Variants in TIAM1 observed in about 807,000 individuals in gnomAD.
The protein encoded by TIAM1 is rho guanine nucleotide exchange factor TIAM1.
In TIAM1, 65 loss-of-function variants were observed where a neutral mutation model predicts 163.5. The ratio of observed to expected loss-of-function variants is 0.40; its 90% CI spans 0.33 to 0.49. TIAM1 has a LOEUF of 0.49. Among genes scored for constraint, TIAM1 ranks in the 20% least tolerant of loss-of-function variants. TIAM1 has a pLI of 0.77. For missense variants in TIAM1, 1,789 were observed against 2,044.7 expected, an observed-to-expected ratio of 0.87 and a Z score of 2.41; for synonymous variants, 833 against 810.1, an observed-to-expected ratio of 1.03 and a Z score of -0.48.
At chr21:31,421,571 C>T (rs935650026) in intron 2 of TIAM1, among the ~76,000 whole-genome samples, 1 of 152,146 alleles carries the variant, frequency 6.6e-6, no homozygotes, top group African/African-American at 2.4e-5. Flanking sequence ...TTATGAGAAT[C>T]GAATGCCGAT....
intron 2 of TIAM1, among the ~76,000 whole-genome samples, chr21:31,404,809 T>G (rs2077220636): frequency 6.6e-6 from 1 of 152,128 alleles, no homozygotes; most frequent in African/African-American, 2.4e-5. Context: ...TCTTTCAACT[T>G]CTTGTAAGTA....
In TIAM1 at chr21:31,220,755, G is replaced by C. The variant is rs148158256; in HGVS notation, c.1995+2651C>G. On this transcript the variant is annotated intron_variant, in intron 8 of 27. Coordinates refer to ENST00000541036, the MANE Select transcript of TIAM1 (RefSeq NM_001353694.2). ...ATGAGCAAAGGGATTTAGAAAAAGG[G>C]CTGGCAGAAGAACTGCTGGACCAGA... Among the ~76,000 whole-genome samples the C allele has an allele frequency of 4.3e-4, 65 of 152,308 alleles. 1 individual carries two copies. In the East Asian group the frequency reaches 0.012, roughly 29 times the overall value.
At chr21:31,392,570 CAAAAAAAAAAA>C (rs61454127) in intron 2 of TIAM1, among the ~76,000 whole-genome samples, 4 of 84,886 alleles carry the variant, frequency 4.7e-5, no homozygotes, top group Admixed American at 2.4e-4. Flanking sequence ...AACTCTGTCT[CAAAAAAAAAAA>C]AAAAAAAAAA....
chr21:31,322,011 C>A (rs556163121), intron 2 of TIAM1, among the ~76,000 whole-genome samples: 1 of 151,984 alleles, frequency 6.6e-6, no homozygotes, highest in Non-Finnish European at 1.5e-5. Flanking sequence ...CAAGATCGTG[C>A]CACCTGCATG....
At chr21:31,352,749 C>A (rs2076255754) in intron 2 of TIAM1, among the ~76,000 whole-genome samples, 2 of 151,648 alleles carry the variant, frequency 1.3e-5, no homozygotes, top group East Asian at 1.9e-4. Context: ...GTAACGCACA[C>A]CTGTAATCTC....
intron 1 of TIAM1, among the ~76,000 whole-genome samples, chr21:31,539,826 C>T (rs1199521976): frequency 6.6e-6 from 1 of 152,116 alleles, no homozygotes; most frequent in Admixed American, 6.6e-5. Context: ...CTTTGCTTCT[C>T]CAATTTTTCA....
At chr21:31,138,268 T>A (rs1189353897) in intron 22 of TIAM1, among the ~76,000 whole-genome samples, 2 of 152,116 alleles carry the variant, frequency 1.3e-5, no homozygotes, top group Admixed American at 1.3e-4. Flanking sequence ...GGGTAGGAGG[T>A]TGAAGGCCCA....
At chr21:31,132,840 G>A (rs147880677) in intron 23 of TIAM1, among the ~76,000 whole-genome samples, 1 of 152,246 alleles carries the variant, frequency 6.6e-6, no homozygotes, top group Admixed American at 6.5e-5. Flanking sequence ...CATCCACTCT[G>A]TGCCCCAAAA....
rs1274709643 is a variant in TIAM1, at chr21:31,195,222, A to G, written c.2575+2T>C. ...AACACAAACAAAGAAAAATAAACTT[A>G]CCGTAAGTATCAGCAGCTGTATCTG... is the stretch of plus-strand genomic sequence containing the variant. On this transcript the variant is annotated splice_donor_variant, in intron 13 of 27. Coordinates refer to ENST00000541036, the MANE Select transcript of TIAM1 (RefSeq NM_001353694.2). LOFTEE classifies it high-confidence loss of function. 7.5e-6 allele frequency: 12 copies of G among 1,606,720 alleles called. No homozygotes were observed. Among genetic ancestry groups the G allele is most frequent in the South Asian group, 1.1e-5 (1 of 90,628 alleles).
chr21:31,451,718 CGTGTGTGTGTGTGTGTGTGT>C (rs59110882), intron 2 of TIAM1, among the ~76,000 whole-genome samples: 19 of 142,166 alleles, frequency 1.3e-4, no homozygotes, highest in Non-Finnish European at 2.5e-4. Flanking sequence ...CATGTGTGTG[CGTGTGTGTGTGTGTGTGTGT>C]GTGTGTGTGT....
intron 5 of TIAM1, among the ~76,000 whole-genome samples, chr21:31,247,920 G>A (rs2071592864): frequency 6.6e-6 from 1 of 152,108 alleles, no homozygotes; most frequent in Non-Finnish European, 1.5e-5. Flanking sequence ...ATGGGAGGGG[G>A]AAACCGTTTT....
At chr21:31,544,885 C>T (rs1240789250) in intron 1 of TIAM1, among the ~76,000 whole-genome samples, 1 of 152,058 alleles carries the variant, frequency 6.6e-6, no homozygotes, top group South Asian at 2.1e-4. Context: ...TGGCAGCATG[C>T]GCCTGTATTC....
chr21:31,236,909 C>G (rs1250488406), intron 6 of TIAM1, among the ~76,000 whole-genome samples: 1 of 152,014 alleles, frequency 6.6e-6, no homozygotes, highest in Non-Finnish European at 1.5e-5. Context: ...CCCAAAGAGA[C>G]GTGGCAGGAG....
Position 31,423,727 on chromosome 21 carries a change from A to C in TIAM1, c.-369+40256T>G, listed in dbSNP as rs1454344833. Among the ~76,000 whole-genome samples, 5 of 148,954 alleles carry C rather than the reference A, an allele frequency of 3.4e-5. No homozygotes were observed. The East Asian group carries it at 1.0e-3, about 30-fold the overall frequency. ...AAAAAAAAAAAAAAAAAAAAAAAAA[A>C]AACCTTGAAAACATTATGCTACGTG... On this transcript the variant is annotated intron_variant, in intron 2 of 28. Coordinates refer to the TIAM1 transcript ENST00000286827.
chr21:31,255,176 T>C (rs1307072425), intron 4 of TIAM1, among the ~76,000 whole-genome samples: 1 of 152,196 alleles, frequency 6.6e-6, no homozygotes, highest in Non-Finnish European at 1.5e-5. Flanking sequence ...TTGCATGCTT[T>C]GGAAGCAAAC....
At position 31,305,906 on chromosome 21, in the gene TIAM1, G is replaced by T. The variant is rs550969597; in HGVS notation, c.-188-28998C>A. Among the ~76,000 whole-genome samples the T allele has an allele frequency of 2.7e-4, 41 of 152,060 alleles. No homozygotes were observed. In the South Asian group the frequency reaches 3.7e-3, roughly 14 times the overall value. The stretch of plus-strand genomic sequence containing the variant: ...AGCCAGAAGGTGTCTGCTCACGGGG[G>T]TGACTGCCATGGTGGTGTCAGAAGC... On this transcript the variant is annotated intron_variant, in intron 2 of 27. Transcript: ENST00000541036.
At chr21:31,164,755 G>A (rs1009030574) in intron 16 of TIAM1, among the ~76,000 whole-genome samples, 2 of 152,226 alleles carry the variant, frequency 1.3e-5, no homozygotes, top group African/African-American at 4.8e-5. Flanking sequence ...TTCATTACGA[G>A]TGATTTCTCC....
intron 1 of TIAM1, among the ~76,000 whole-genome samples, chr21:31,510,458 T>C (rs1041798593): frequency 7.9e-5 from 12 of 152,194 alleles, no homozygotes; most frequent in African/African-American, 2.7e-4. Context: ...TAATGAGGGT[T>C]CGGGATTCAA....
intron 2 of TIAM1, among the ~76,000 whole-genome samples, chr21:31,369,468 G>A (rs1221062124): frequency 6.6e-6 from 1 of 151,932 alleles, no homozygotes; most frequent in Non-Finnish European, 1.5e-5. Flanking sequence ...ACAGCTAAAT[G>A]GCAGGAATAA....
Sources: allele counts gnomAD v4.1 joint callset (sites outside exome capture counted in the v4.1 genomes callset), GRCh38; gene constraint gnomAD v4.1.1; transcripts MANE v1.5; gene names NCBI Gene and HGNC (gene_info 2026-07-23, HGNC 2026-07-21).